PCDHGB6: variants seen among roughly 807,000 people sequenced by gnomAD.
PCDHGB6 encodes protocadherin gamma-B6.
Under a neutral mutation model 59.1 loss-of-function variants are expected in PCDHGB6, and 51 were observed. The observed-to-expected ratio is 0.86, with a 90% confidence interval of 0.69 to 1.09. The LOEUF is 1.09. Among genes scored for constraint, PCDHGB6 ranks in the 50% least tolerant of loss-of-function variants. The probability of loss-of-function intolerance (pLI) is 0.00; values close to 1 mark genes in which losing one functional copy is unlikely to be tolerated. For synonymous variants in PCDHGB6, 466 were observed against 495.1 expected (o/e 0.94, Z 0.78); for missense variants, 1,148 against 1,205.1 (o/e 0.95, Z 0.70).
rs1404656316 is a variant in PCDHGB6 at position 141,486,648 on chromosome 5, A to G, written c.2419-8159A>G. 6.2e-7 allele frequency: 1 copy of G among 1,613,298 alleles called. No individual in the cohort carries two copies. The highest frequency in any genetic ancestry group is 8.5e-7 in the Non-Finnish European group (1 of 1,179,892). The stretch of plus-strand genomic sequence containing the variant: ...TCTGGCTTGAATGCGCTTATCTCCT[A>G]CTCACTCCTGGAGCCCAGGAATCGA... On this transcript the variant is annotated intron_variant, in intron 1 of 3. Coordinates refer to ENST00000520790, the MANE Select transcript of PCDHGB6 (RefSeq NM_018926.3). This position sits in a 1 kb window ranked among gnomAD's most constrained non-coding sequence, Gnocchi z 5.0.
At position 141,476,716 on chromosome 5, in the gene PCDHGB6, C is replaced by G; in HGVS notation, c.2419-18091C>G. The G allele has an allele frequency of 6.2e-7, 1 of 1,614,148 alleles. No individual in the cohort carries two copies. On this transcript the variant is annotated intron_variant, in intron 1 of 3. Transcript: ENST00000520790. The surrounding 1 kb of genome is among the most constrained non-coding windows in gnomAD (Gnocchi z 7.6). The stretch of plus-strand genomic sequence containing the variant: ...AGTACGCGGAGCTGGTGTTGGAGCG[C>G]GCCCTGGACCGAGAACGGGAGCCTA...
At chr5:141,455,534 A>G (rs985347185) in intron 1 of PCDHGB6, among the ~76,000 whole-genome samples, 1 of 152,178 alleles carries the variant, frequency 6.6e-6, no homozygotes, top group Non-Finnish European at 1.5e-5. Flanking sequence ...GACCAGGCAT[A>G]TCATTCACGT....
intron 1 of PCDHGB6, chr5:141,419,829 C>G (rs748734266): frequency 6.2e-7 from 1 of 1,614,072 alleles, no homozygotes; most frequent in Admixed American, 1.7e-5. Flanking sequence ...CTTTCAGCCA[C>G]TGCCACGCTG....
chr5:141,427,458 A>T (rs2097029342), intron 1 of PCDHGB6: 1 of 494,398 alleles, frequency 2.0e-6, no homozygotes, highest in African/African-American at 1.9e-5. Context: ...TCCTTTTAGA[A>T]TCGAATCTTC....
chr5:141,504,180 A>G (rs1195970606), intron 2 of PCDHGB6, among the ~76,000 whole-genome samples: 1 of 152,236 alleles, frequency 6.6e-6, no homozygotes, highest in Non-Finnish European at 1.5e-5. Context: ...ATTCAAAAAA[A>G]TCATGAAAAT....
intron 1 of PCDHGB6, chr5:141,423,752 G>T: frequency 6.2e-6 from 4 of 644,948 alleles, no homozygotes; most frequent in Non-Finnish European, 7.8e-6. Context: ...AAACTGTTTG[G>T]GGGGGGGGTG....
intron 1 of PCDHGB6, among the ~76,000 whole-genome samples, chr5:141,451,924 G>C (rs1337159204): frequency 1.3e-5 from 2 of 152,008 alleles, no homozygotes; most frequent in African/African-American, 4.8e-5. Context: ...AAGGAAGGGA[G>C]GTAGGGAGGC....
chr5:141,466,769 T>C (rs760924688), intron 1 of PCDHGB6, among the ~76,000 whole-genome samples: 1 of 152,198 alleles, frequency 6.6e-6, no homozygotes, highest in African/African-American at 2.4e-5. Flanking sequence ...CAAACTGTTA[T>C]CTTATTCTTC....
rs2154591305 is a variant in PCDHGB6, at chr5:141,493,879, G to A, written c.2419-928G>A. Among the ~76,000 whole-genome samples the A allele has an allele frequency of 6.6e-6, 1 of 152,288 alleles. No homozygotes were observed. The highest frequency in any genetic ancestry group is 6.5e-5 in the Admixed American group (1 of 15,302). ...CCCACCCCAGAACCAGTGAGGAGGT[G>A]GCTCTAGGAGTGCTCCATGAGAGTG... On this transcript the variant is annotated intron_variant, in intron 1 of 3. Coordinates refer to ENST00000520790, the MANE Select transcript of PCDHGB6 (RefSeq NM_018926.3). This position sits in a 1 kb window ranked among gnomAD's most constrained non-coding sequence, Gnocchi z 4.3.
chr5:141,483,887 C>G (rs147069309), intron 1 of PCDHGB6, among the ~76,000 whole-genome samples: 13 of 152,036 alleles, frequency 8.6e-5, no homozygotes, highest in Non-Finnish European at 1.2e-4. Context: ...TTTTCTATTT[C>G]TCTGAGCTCT....
rs2099637746 is a variant in PCDHGB6, at chr5:141,486,980, A to G, written c.2419-7827A>G. Reference sequence around the variant, plus strand: ...TGCTGTGGACTTGGATTCAGGTTACAATGCTTGGGTTTCCTATCAGCTCCT... The same window carrying G: ...TGCTGTGGACTTGGATTCAGGTTACGATGCTTGGGTTTCCTATCAGCTCCT... On this transcript the variant is annotated intron_variant, in intron 1 of 3. Coordinates refer to ENST00000520790, the MANE Select transcript of PCDHGB6 (RefSeq NM_018926.3). This position sits in a 1 kb window ranked among gnomAD's most constrained non-coding sequence, Gnocchi z 5.0. The G allele has an allele frequency of 1.2e-6, 2 of 1,614,040 alleles. No individual in the cohort carries two copies. The highest frequency in any genetic ancestry group is 1.3e-5 in the African/African-American group (1 of 74,908).
rs2099883798 is a variant in PCDHGB6, at chr5:141,511,451, AT to A, written c.*281del. On this transcript the variant is annotated 3_prime_UTR_variant, in exon 4 of 4. Transcript: ENST00000520790. ...GGGGTTACTGTAGACACCAAGAACC[AT>A]TTGCCACACCCCGTTTAGTTACAGC... The A allele has an allele frequency of 3.3e-6, 2 of 606,372 alleles. No individual in the cohort carries two copies. Among genetic ancestry groups the A allele is most frequent in the African/African-American group, 1.9e-5 (1 of 53,734 alleles). 37.6% of individuals were successfully genotyped at this position (606,372 alleles called of 1,614,324 possible).
intron 1 of PCDHGB6, chr5:141,441,986 C>G (rs2098288559): frequency 7.4e-6 from 2 of 269,216 alleles, no homozygotes; most frequent in Non-Finnish European, 1.5e-5. Flanking sequence ...GAATGCGCAC[C>G]GACGAGGTGC....
rs138745923 is a variant in PCDHGB6, at chr5:141,420,954, A to C, written c.2418+10334A>C. On this transcript the variant is annotated intron_variant, in intron 1 of 3. Transcript: ENST00000520790. ...GTAATCATTTCTTCTGGAATTTCTTAGTCGTTGCAATAATAAGAATGGGCT... is the reference window on the plus strand; with the variant it reads ...GTAATCATTTCTTCTGGAATTTCTTCGTCGTTGCAATAATAAGAATGGGCT... 3.9e-3 allele frequency: 1,621 copies of C among 412,482 alleles called. 10 individuals are homozygous for C. The highest frequency in any genetic ancestry group is 0.01 in the Admixed American group (249 of 24,550). The allele number at this position is 412,482 out of a possible 1,614,324, so 25.6% of individuals were successfully genotyped here.
chr5:141,503,713 C>T (rs867005984), intron 2 of PCDHGB6, among the ~76,000 whole-genome samples: 6 of 152,134 alleles, frequency 3.9e-5, no homozygotes, highest in Non-Finnish European at 8.8e-5. Context: ...TCCCCTTCAA[C>T]CCTAGCTTTA....
chr5:141,420,018 G>T, intron 1 of PCDHGB6: 2 of 1,614,066 alleles, frequency 1.2e-6, no homozygotes, highest in African/African-American at 2.7e-5. Flanking sequence ...CAGTCTTTCA[G>T]CCCTACTGCA....
At chr5:141,430,818 T>G (rs1240970813) in intron 1 of PCDHGB6, 2 of 1,540,582 alleles carry the variant, frequency 1.3e-6, no homozygotes, top group Non-Finnish European at 1.7e-6. Flanking sequence ...GGAATCCTCC[T>G]GGGGACTCTG....
chr5:141,409,177 T>C lies in PCDHGB6; in HGVS notation c.975T>C (p.Gly325=). 5 of 1,613,944 alleles carry C rather than the reference T, an allele frequency of 3.1e-6. No homozygotes were observed. Among genetic ancestry groups the C allele is most frequent in the Non-Finnish European group, 4.2e-6 (5 of 1,179,864 alleles). The change falls in exon 1 of 4, where the codon GGT becomes GGC. Residue 325 remains glycine (G), a synonymous_variant. Transcript: ENST00000520790. ...YTMEVEAKDG[G]GLSTQCKVII... ...TGGAAGTGGAAGCGAAGGACGGAGG[T>C]GGTCTCTCTACCCAGTGTAAAGTAA...
At chr5:141,410,849 C>CTTGTTTTTTTTTTTTTTT (rs2095431880) in intron 1 of PCDHGB6, 1 of 129,786 alleles carries the variant, frequency 7.7e-6, no homozygotes, top group African/African-American at 6.0e-5. Context: ...TTGTCTTTGT[C>CTTGTTTTTTTTTTTTTTT]TTTTTTTTTT....
Sources: gnomAD v4.1 joint callset for allele counts (sites outside exome capture counted in the v4.1 genomes callset) on GRCh38, gnomAD v4.1.1 for gene constraint, Gnocchi (gnomAD v3.1) non-coding constraint, MANE v1.5 for transcripts, NCBI Gene and HGNC (gene_info 2026-07-23, HGNC 2026-07-21) for gene names.